Variants in ZMAT4 observed in about 807,000 individuals in gnomAD.
ZMAT4 encodes zinc finger matrin-type protein 4.
A neutral mutation model predicts 28.7 loss-of-function variants in ZMAT4; 17 were observed. The observed-to-expected ratio is 0.59, with a 90% CI of 0.41 to 0.89. ZMAT4 has a LOEUF of 0.89. Ranked by LOEUF, ZMAT4 falls within the 40% of genes least tolerant of loss-of-function variation. The pLI, the probability that ZMAT4 is intolerant of heterozygous loss-of-function variation, is 0.00. For missense variants in ZMAT4, 240 were observed against 283.8 expected (o/e 0.85, Z 1.11); for synonymous variants, 117 against 109.2 (o/e 1.07, Z -0.44).
chr8:40,550,760 C>A (rs1331443673), intron 6 of ZMAT4, among the ~76,000 whole-genome samples: 1 of 152,118 alleles, frequency 6.6e-6, no homozygotes, highest in East Asian at 1.9e-4. Flanking sequence ...TTCCTGAGGC[C>A]TCCCCAGCAA....
At chr8:40,542,635 C>T (rs935611160) in intron 6 of ZMAT4, among the ~76,000 whole-genome samples, 5 of 152,086 alleles carry the variant, frequency 3.3e-5, no homozygotes, top group African/African-American at 1.2e-4. Context: ...CTGATCCACC[C>T]GCTTCTGCCT....
intron 6 of ZMAT4, among the ~76,000 whole-genome samples, chr8:40,545,552 A>G (rs1055298496): frequency 2.6e-5 from 4 of 152,172 alleles, no homozygotes; most frequent in African/African-American, 9.7e-5. Flanking sequence ...TCCTAACCCA[A>G]TATGACTGGT....
At chr8:40,792,852 A>T (rs1425240212) in intron 2 of ZMAT4, among the ~76,000 whole-genome samples, 1 of 151,662 alleles carries the variant, frequency 6.6e-6, no homozygotes, top group Non-Finnish European at 1.5e-5. Context: ...AGTCAATCTG[A>T]AGAGGCTGCA....
At chr8:40,778,863 A>T (rs1813709885) in intron 2 of ZMAT4, among the ~76,000 whole-genome samples, 1 of 152,228 alleles carries the variant, frequency 6.6e-6, no homozygotes, top group African/African-American at 2.4e-5. Context: ...GTAATCCATC[A>T]TCTCTAGCCA....
At chr8:40,627,763 C>T (rs1233946824) in intron 5 of ZMAT4, among the ~76,000 whole-genome samples, 2 of 152,124 alleles carry the variant, frequency 1.3e-5, no homozygotes, top group African/African-American at 2.4e-5. Flanking sequence ...AATGAACATT[C>T]CCTATGTTCA....
chr8:40,770,409 T>A (rs777086709), intron 2 of ZMAT4, among the ~76,000 whole-genome samples: 1 of 151,912 alleles, frequency 6.6e-6, no homozygotes, highest in South Asian at 2.1e-4. Context: ...GTTCCTGGGG[T>A]TTCTACAGCT....
chr8:40,646,935 C>G (rs57828513), intron 5 of ZMAT4, among the ~76,000 whole-genome samples: 1 of 152,140 alleles, frequency 6.6e-6, no homozygotes. Flanking sequence ...TTCTCTAGGA[C>G]AAATCATATG....
At chr8:40,695,112 A>C (rs2150492027) in intron 4 of ZMAT4, among the ~76,000 whole-genome samples, 1 of 152,278 alleles carries the variant, frequency 6.6e-6, no homozygotes, top group South Asian at 2.1e-4. Flanking sequence ...TGTTGAAGTA[A>C]CCATAAAAAT....
chr8:40,538,318 A>G (rs1488887820), intron 6 of ZMAT4, among the ~76,000 whole-genome samples: 1 of 152,182 alleles, frequency 6.6e-6, no homozygotes, highest in Non-Finnish European at 1.5e-5. Context: ...GTTTACATTT[A>G]CCTATAGCCT....
chr8:40,891,813 A>C (rs60700588), intron 1 of ZMAT4, among the ~76,000 whole-genome samples: 71,712 of 152,038 alleles, frequency 0.47, 17,029 homozygotes, highest in East Asian at 0.56. Flanking sequence ...GCCGACCCTG[A>C]GCTGTCCTCT....
At chr8:40,801,352 A>AAATATATATATATATATATATG (rs774919666) in intron 2 of ZMAT4, among the ~76,000 whole-genome samples, 1 of 72,146 alleles carries the variant, frequency 1.4e-5, no homozygotes, top group African/African-American at 4.6e-5. Flanking sequence ...AAAAAAAAAA[A>AAATATATATATATATATATATG]TATATATATA....
intron 1 of ZMAT4, among the ~76,000 whole-genome samples, chr8:40,886,217 A>C (rs935539227): frequency 1.2e-4 from 18 of 152,214 alleles, no homozygotes; most frequent in Non-Finnish European, 1.5e-5. Flanking sequence ...TGCTAAAGAG[A>C]CTGAAGCCAA....
intron 6 of ZMAT4, among the ~76,000 whole-genome samples, chr8:40,553,184 C>A (rs1248303848): frequency 6.6e-6 from 1 of 152,176 alleles, no homozygotes; most frequent in African/African-American, 2.4e-5. Context: ...GGCCTCCTGC[C>A]CACAGCCGTG....
chr8:40,739,501 G>A (rs1416078589), intron 3 of ZMAT4, among the ~76,000 whole-genome samples: 69 of 152,294 alleles, frequency 4.5e-4, no homozygotes, highest in African/African-American at 1.6e-3. Context: ...TCTTTAATTT[G>A]GGATTGTAAA....
chr8:40,572,459 A>G (rs1191128143), intron 6 of ZMAT4, among the ~76,000 whole-genome samples: 1 of 152,120 alleles, frequency 6.6e-6, no homozygotes, highest in Non-Finnish European at 1.5e-5. Context: ...CTTGTATCTC[A>G]TTTTCAACCA....
At chr8:40,558,627 T>C (rs1803625776) in intron 6 of ZMAT4, among the ~76,000 whole-genome samples, 1 of 151,988 alleles carries the variant, frequency 6.6e-6, no homozygotes, top group Non-Finnish European at 1.5e-5. Flanking sequence ...AGGTAGAAGA[T>C]CATTGGCTGA....
chr8:40,841,026 CTG>C (rs1816682281), intron 1 of ZMAT4, among the ~76,000 whole-genome samples: 1 of 152,188 alleles, frequency 6.6e-6, no homozygotes, highest in African/African-American at 2.4e-5. Flanking sequence ...ATAATGGAAA[CTG>C]TGTACAATAG....
chr8:40,872,520 G>A (rs1419014509), intron 1 of ZMAT4, among the ~76,000 whole-genome samples: 1 of 152,172 alleles, frequency 6.6e-6, no homozygotes, highest in Admixed American at 6.5e-5. Context: ...GGGCAGGCAG[G>A]CACCTGTCCT....
At chr8:40,729,684 T>A in intron 3 of ZMAT4, among the ~76,000 whole-genome samples, 1 of 149,564 alleles carries the variant, frequency 6.7e-6, no homozygotes, top group Non-Finnish European at 1.5e-5. Flanking sequence ...AACCTCCACC[T>A]CCCGGGTTCA....
Sources: gnomAD v4.1 joint callset for allele counts (sites outside exome capture counted in the v4.1 genomes callset) on GRCh38, gnomAD v4.1.1 for gene constraint, MANE v1.5 for transcripts, NCBI Gene and HGNC (gene_info 2026-07-23, HGNC 2026-07-21) for gene names.